The following CTNNA3 variants were observed in gnomAD, a reference collection of about 807,000 sequenced individuals.
CTNNA3 encodes the protein catenin alpha 3, also known as catenin alpha-3.
CTNNA3 carries 76 observed loss-of-function variants against 95.7 expected under a neutral mutation model. That is an observed-to-expected ratio of 0.79 (90% CI 0.66 to 0.96). The LOEUF (loss-of-function observed/expected upper bound fraction) is 0.96, where lower values mean the gene tolerates loss of function less well. Ranked by LOEUF, CTNNA3 falls within the 40% of genes least tolerant of loss-of-function variation. CTNNA3 has a pLI of 0.00. For missense variants in CTNNA3, 1,191 were observed against 1,089.8 expected, an observed-to-expected ratio of 1.09 and a Z score of -1.31; for synonymous variants, 431 against 374.4, an observed-to-expected ratio of 1.15 and a Z score of -1.74.
rs115223361 is a variant in CTNNA3 at position 66,297,205 on chromosome 10, A to G, written c.1733-16584T>C. On this transcript the variant is annotated intron_variant, in intron 12 of 17. Transcript: ENST00000433211. ...CCAGTCCTATACACACATAAGAGAT[A>G]AAAATAAATTTATTTATTTTAAATT... Among the ~76,000 whole-genome samples the G allele has an allele frequency of 2.0e-3, 301 of 152,296 alleles. 2 individuals carry two copies. Among genetic ancestry groups the G allele is most frequent in the African/African-American group, 7.0e-3 (289 of 41,556 alleles).
chr10:66,252,927 C>T (rs2090616901), intron 13 of CTNNA3, among the ~76,000 whole-genome samples: 1 of 152,124 alleles, frequency 6.6e-6, no homozygotes, highest in South Asian at 2.1e-4. Context: ...GAGAGGTATG[C>T]ATTTTCTAGC....
chr10:67,670,048 G>A (rs1186431561), intron 1 of CTNNA3, among the ~76,000 whole-genome samples: 2 of 152,150 alleles, frequency 1.3e-5, no homozygotes, highest in Non-Finnish European at 2.9e-5. Flanking sequence ...GTATAGAATG[G>A]TTAAAGATAG....
chr10:66,750,660 T>C (rs947627959), intron 9 of CTNNA3, among the ~76,000 whole-genome samples: 1 of 152,216 alleles, frequency 6.6e-6, no homozygotes, highest in African/African-American at 2.4e-5. Flanking sequence ...TCCTCCAATG[T>C]TGTACTTCTC....
At chr10:66,223,645 A>G (rs1294944208) in intron 13 of CTNNA3, among the ~76,000 whole-genome samples, 2 of 152,228 alleles carry the variant, frequency 1.3e-5, no homozygotes, top group African/African-American at 4.8e-5. Flanking sequence ...GTTTACAAGT[A>G]TAAGTTACCC....
At chr10:66,291,295 T>C (rs527441094) in intron 12 of CTNNA3, among the ~76,000 whole-genome samples, 1 of 152,294 alleles carries the variant, frequency 6.6e-6, no homozygotes, top group South Asian at 2.1e-4. Context: ...TATAACACAG[T>C]AGTTTTCAAA....
chr10:66,690,821 C>A (rs1847499085), intron 9 of CTNNA3, among the ~76,000 whole-genome samples: 1 of 152,088 alleles, frequency 6.6e-6, no homozygotes, highest in African/African-American at 2.4e-5. Context: ...GATTTATAGT[C>A]CTTTGGGTAT....
At chr10:67,414,113 C>T (rs1845466784) in intron 5 of CTNNA3, among the ~76,000 whole-genome samples, 1 of 151,884 alleles carries the variant, frequency 6.6e-6, no homozygotes, top group South Asian at 2.1e-4. Context: ...AATTGAGATG[C>T]AATAAACCAT....
intron 7 of CTNNA3, among the ~76,000 whole-genome samples, chr10:66,888,536 G>A (rs1845135082): frequency 7.1e-6 from 1 of 140,218 alleles, no homozygotes; most frequent in Admixed American, 7.3e-5. Context: ...TTCAGGTCAT[G>A]GTAGTTTTTC....
At chr10:67,658,346 C>T (rs930097147) in intron 1 of CTNNA3, among the ~76,000 whole-genome samples, 2 of 152,148 alleles carry the variant, frequency 1.3e-5, no homozygotes, top group Non-Finnish European at 2.9e-5. Context: ...AGGGGCTCAA[C>T]AAACATTAGT....
intron 13 of CTNNA3, among the ~76,000 whole-genome samples, chr10:66,208,713 T>C (rs989046062): frequency 1.3e-5 from 2 of 152,080 alleles, no homozygotes; most frequent in Non-Finnish European, 2.9e-5. Context: ...ACATTTACAG[T>C]GCATGTAAAC....
At chr10:65,999,216 T>TAG (rs930976365) in intron 15 of CTNNA3, among the ~76,000 whole-genome samples, 2 of 152,184 alleles carry the variant, frequency 1.3e-5, no homozygotes, top group Non-Finnish European at 2.9e-5. Context: ...AATGCATCTC[T>TAG]AGAGAAAGTT....
intron 7 of CTNNA3, among the ~76,000 whole-genome samples, chr10:66,838,275 A>G (rs1842945123): frequency 6.6e-6 from 1 of 152,140 alleles, no homozygotes. Flanking sequence ...TGTTTTCCAC[A>G]GTTCAGAACA....
At chr10:66,929,461 G>C (rs1847250777) in intron 7 of CTNNA3, among the ~76,000 whole-genome samples, 1 of 152,126 alleles carries the variant, frequency 6.6e-6, no homozygotes, top group Admixed American at 6.5e-5. Context: ...GCCCTGTTGT[G>C]TTCCATTACA....
intron 9 of CTNNA3, among the ~76,000 whole-genome samples, chr10:66,672,068 T>G (rs1846679713): frequency 1.3e-5 from 2 of 152,146 alleles, no homozygotes; most frequent in Admixed American, 1.3e-4. Flanking sequence ...TCAGTAGAAC[T>G]GACCTGTAGT....
chr10:66,500,252 A>G (rs1258145919), intron 11 of CTNNA3, among the ~76,000 whole-genome samples: 1 of 152,208 alleles, frequency 6.6e-6, no homozygotes, highest in Non-Finnish European at 1.5e-5. Flanking sequence ...AAATTTATTT[A>G]GTGAAATAGT....
chr10:67,180,637 T>C, intron 6 of CTNNA3, 117 bp from the exon 7 acceptor site: 2 of 778,460 alleles, frequency 2.6e-6, no homozygotes, highest in Admixed American at 2.2e-5. Flanking sequence ...GAGAACTGTG[T>C]TTTACTGCCT....
At position 66,447,447 on chromosome 10, in the gene CTNNA3, A is replaced by T. The variant is rs1163719923; in HGVS notation, c.1532-68095T>A. ...CTATACTCCAAGGCTACAGTAACCA[A>T]AACAGCATGGTACTGGTACCAAAAC... On this transcript the variant is annotated intron_variant, in intron 11 of 17. Transcript: ENST00000433211. Among the ~76,000 whole-genome samples, 3 of 132,818 alleles carry T rather than the reference A, an allele frequency of 2.3e-5. No homozygotes were observed. The East Asian group carries it at 6.6e-4, about 29-fold the overall frequency. 87.1% of individuals were successfully genotyped at this position (132,818 alleles called of 152,430 possible).
At chr10:66,697,625 G>C (rs1847812156) in intron 9 of CTNNA3, among the ~76,000 whole-genome samples, 1 of 152,058 alleles carries the variant, frequency 6.6e-6, no homozygotes, top group South Asian at 2.1e-4. Context: ...TACTTCAGAT[G>C]ATCACAAGCT....
intron 13 of CTNNA3, among the ~76,000 whole-genome samples, chr10:66,224,722 A>C (rs1221729504): frequency 6.6e-6 from 1 of 152,182 alleles, no homozygotes; most frequent in Non-Finnish European, 1.5e-5. Context: ...CTTTCTTAAA[A>C]TACGAACCAA....
Sources: allele counts gnomAD v4.1 joint callset (sites outside exome capture counted in the v4.1 genomes callset), GRCh38; gene constraint gnomAD v4.1.1; transcripts MANE v1.5; gene names NCBI Gene and HGNC (gene_info 2026-07-23, HGNC 2026-07-21).